XKR9: variants seen among roughly 807,000 people sequenced by gnomAD.
XKR9 encodes the protein XK-related protein 9.
In XKR9, 32 loss-of-function variants were observed where a neutral mutation model predicts 32.0. The observed-to-expected ratio is 1.00, with a 90% confidence interval of 0.76 to 1.34. XKR9 has a LOEUF of 1.34. Among genes scored for constraint, XKR9 ranks in the 40% most tolerant of loss-of-function variants. The pLI, the probability that XKR9 is intolerant of heterozygous loss-of-function variation, is 0.00. For missense variants in XKR9, 546 were observed against 429.7 expected (o/e 1.27, Z -2.39); for synonymous variants, 168 against 143.4 (o/e 1.17, Z -1.22).
chr8:70,896,426 C>A, the XKR9 span, among the ~76,000 whole-genome samples: 1 of 151,812 alleles, frequency 6.6e-6, no homozygotes, highest in South Asian at 2.1e-4. Flanking sequence ...GTTATTCTGT[C>A]TTTCAAGACA....
chr8:70,726,002 C>T (rs1806456747), intron 4 of XKR9, among the ~76,000 whole-genome samples: 1 of 152,106 alleles, frequency 6.6e-6, no homozygotes, highest in Non-Finnish European at 1.5e-5. Flanking sequence ...TTTCTTTCTA[C>T]CCAGATAAAC....
chr8:70,854,874 G>A, the XKR9 span, among the ~76,000 whole-genome samples: 4 of 152,090 alleles, frequency 2.6e-5, no homozygotes, highest in Non-Finnish European at 4.4e-5. Context: ...CTGCTCCATT[G>A]GTTTATATCT....
At chr8:71,052,225 G>C in the XKR9 span, among the ~76,000 whole-genome samples, 1 of 152,200 alleles carries the variant, frequency 6.6e-6, no homozygotes, top group Non-Finnish European at 1.5e-5. Flanking sequence ...TGTTGTTATT[G>C]TGTTGTTTTT....
chr8:70,753,221 G>C (rs973597746), intron 2 of XKR9, among the ~76,000 whole-genome samples: 6 of 152,182 alleles, frequency 3.9e-5, no homozygotes, highest in African/African-American at 7.2e-5. Flanking sequence ...CCAGGAAGAA[G>C]TTGAATCTCT....
intron 2 of XKR9, among the ~76,000 whole-genome samples, chr8:70,745,625 C>G (rs978779146): frequency 1.3e-5 from 2 of 152,128 alleles, no homozygotes; most frequent in Non-Finnish European, 2.9e-5. Context: ...CTGCTGTTCT[C>G]CCCTCCCTTC....
At chr8:70,795,592 C>T in the XKR9 span, among the ~76,000 whole-genome samples, 1 of 152,170 alleles carries the variant, frequency 6.6e-6, no homozygotes, top group Non-Finnish European at 1.5e-5. Context: ...AATTTATACT[C>T]CCACCAACAG....
chr8:71,006,673 C>G, the XKR9 span, among the ~76,000 whole-genome samples: 1 of 152,124 alleles, frequency 6.6e-6, no homozygotes, highest in African/African-American at 2.4e-5. Flanking sequence ...TGGCATCTGG[C>G]TCCATGGTAA....
At chr8:70,943,406 C>T in the XKR9 span, among the ~76,000 whole-genome samples, 1 of 152,010 alleles carries the variant, frequency 6.6e-6, no homozygotes, top group Non-Finnish European at 1.5e-5. Flanking sequence ...AAAGTAGGAG[C>T]ATATGGATTT....
chr8:70,706,435 A>G (rs1369467699), intron 3 of XKR9, among the ~76,000 whole-genome samples: 2 of 152,126 alleles, frequency 1.3e-5, no homozygotes, highest in Non-Finnish European at 2.9e-5. Context: ...CTCATCTTCA[A>G]CCTTGATATT....
chr8:70,816,923 C>A, the XKR9 span, among the ~76,000 whole-genome samples: 1 of 152,102 alleles, frequency 6.6e-6, no homozygotes, highest in Non-Finnish European at 1.5e-5. Context: ...AATCCACATT[C>A]TTTAATGATA....
chr8:71,018,163 G>A, the XKR9 span, among the ~76,000 whole-genome samples: 1 of 152,156 alleles, frequency 6.6e-6, no homozygotes, highest in Non-Finnish European at 1.5e-5. Context: ...ATTGCAGACA[G>A]CATGGGAGTG....
At chr8:70,882,648 C>T in the XKR9 span, among the ~76,000 whole-genome samples, 1 of 151,976 alleles carries the variant, frequency 6.6e-6, no homozygotes, top group Non-Finnish European at 1.5e-5. Flanking sequence ...GTAGAAGGTA[C>T]AGAATTTCAT....
chr8:70,769,636 C>T (rs1426107690), intron 2 of XKR9, among the ~76,000 whole-genome samples: 1 of 151,824 alleles, frequency 6.6e-6, no homozygotes, highest in African/African-American at 2.4e-5. Context: ...TCATTCGTTC[C>T]TTTTCATTCT....
intron 4 of XKR9, among the ~76,000 whole-genome samples, chr8:70,708,503 T>G (rs1715012504): frequency 6.6e-6 from 1 of 152,114 alleles, no homozygotes; most frequent in Non-Finnish European, 1.5e-5. Context: ...TATGGAACAT[T>G]ATGTAGCCAC....
chr8:70,848,042 A>T, the XKR9 span, among the ~76,000 whole-genome samples: 1 of 152,186 alleles, frequency 6.6e-6, no homozygotes, highest in East Asian at 1.9e-4. Context: ...AATATCACTG[A>T]TGAAATTAGA....
At chr8:71,015,489 G>A in the XKR9 span, among the ~76,000 whole-genome samples, 1 of 152,150 alleles carries the variant, frequency 6.6e-6, no homozygotes, top group African/African-American at 2.4e-5. Flanking sequence ...TTAGTCCTCA[G>A]AAAATAGCTC....
At position 70,681,048 on chromosome 8, in the gene XKR9, A is replaced by G. The variant is rs1302252872; in HGVS notation, c.-11A>G. 2 of 1,598,796 alleles carry G rather than the reference A, an allele frequency of 1.3e-6. No individual in the cohort carries two copies. Among genetic ancestry groups the G allele is most frequent in the Non-Finnish European group, 1.7e-6 (2 of 1,172,112 alleles). On this transcript the variant is annotated 5_prime_UTR_variant, in exon 3 of 5. The change creates a new upstream start codon in the 5' untranslated region. Transcript: ENST00000408926. ...AAAAAAGTAGATAACGAAAAGCTAT[A>G]GTCATTCGTAATGAAATATACTAAA...
At chr8:71,050,121 C>T in the XKR9 span, among the ~76,000 whole-genome samples, 1 of 151,430 alleles carries the variant, frequency 6.6e-6, no homozygotes, top group Non-Finnish European at 1.5e-5. Flanking sequence ...ATTATTTAAC[C>T]TTTCTGTGTC....
At chr8:70,719,206 C>T (rs1035371994) in intron 4 of XKR9, among the ~76,000 whole-genome samples, 14 of 151,832 alleles carry the variant, frequency 9.2e-5, no homozygotes, top group South Asian at 6.2e-4. Context: ...GGATATTAGC[C>T]CTTTGTCAGA....
Sources: allele counts gnomAD v4.1 joint callset (sites outside exome capture counted in the v4.1 genomes callset), GRCh38; gene constraint gnomAD v4.1.1; transcripts MANE v1.5; gene names NCBI Gene and HGNC (gene_info 2026-07-23, HGNC 2026-07-21).